MET: variants seen among roughly 807,000 people sequenced by gnomAD.
MET encodes the protein hepatocyte growth factor receptor.
Under a neutral mutation model 133.1 loss-of-function variants are expected in MET, and 48 were observed. The observed-to-expected ratio is 0.36, with a 90% CI of 0.29 to 0.46. MET has a LOEUF of 0.46. Among genes scored for constraint, MET ranks in the 20% least tolerant of loss-of-function variants. MET has a pLI of 1.00. For synonymous variants in MET, 628 were observed against 616.5 expected (o/e 1.02, Z -0.28); for missense variants, 1,442 against 1,695.9 (o/e 0.85, Z 2.63).
chr7:116,692,277 AAAGTGCTATCTACATAG>A (rs1196556720), intron 1 of MET, among the ~76,000 whole-genome samples: 1 of 152,204 alleles, frequency 6.6e-6, no homozygotes, highest in East Asian at 1.9e-4. Flanking sequence ...TATTTACTAT[AAAGTGCTATCTACATAG>A]TTATAAATTA....
intron 2 of MET, among the ~76,000 whole-genome samples, chr7:116,724,534 T>C (rs1001700956): frequency 1.3e-5 from 2 of 152,206 alleles, no homozygotes; most frequent in African/African-American, 4.8e-5. Context: ...AAATTTCCTA[T>C]AAAATCCAGA....
In MET at chr7:116,730,010, G is replaced by C. The variant is rs546362587; in HGVS notation, c.1201-1658G>C. ...AGTTTCACATTATCTTATAAATCAC[G>C]CAAGCAAATGTTATGTTGCAGCTTG... On this transcript the variant is annotated intron_variant, in intron 2 of 20. Coordinates refer to ENST00000397752, the MANE Select transcript of MET (RefSeq NM_000245.4). 2.6e-5 allele frequency among the ~76,000 whole-genome samples: 4 copies of C among 152,236 alleles called. No individual in the cohort carries two copies. In the East Asian group the frequency reaches 5.8e-4, roughly 22 times the overall value.
intron 2 of MET, among the ~76,000 whole-genome samples, chr7:116,712,930 A>G (rs1471206255): frequency 1.3e-5 from 2 of 152,082 alleles, no homozygotes; most frequent in African/African-American, 2.4e-5. Context: ...AACAGCACTC[A>G]CCCTTTGAGC....
At chr7:116,694,161 C>T (rs886123579) in intron 1 of MET, among the ~76,000 whole-genome samples, 9 of 152,266 alleles carry the variant, frequency 5.9e-5, no homozygotes, top group Admixed American at 3.3e-4. Context: ...GGACACAAAA[C>T]GTTTCCCAGA....
rs900210693 is a variant in MET, at chr7:116,797,545, T to C, written c.*1421T>C. On this transcript the variant is annotated 3_prime_UTR_variant, in exon 21 of 21. Transcript: ENST00000397752. ...TGTGATGCTTCATTCTGTGGAATTTTGTGCTTGCTACTGTATAGTGCATGT... is the reference window on the plus strand; with the variant it reads ...TGTGATGCTTCATTCTGTGGAATTTCGTGCTTGCTACTGTATAGTGCATGT... 4.4e-6 allele frequency: 1 copy of C among 229,382 alleles called. No individual in the cohort carries two copies. The highest frequency in any genetic ancestry group is 2.2e-5 in the African/African-American group (1 of 45,116). The allele number at this position is 229,382 out of a possible 1,614,324, so 14.2% of individuals were successfully genotyped here.
At chr7:116,765,356 G>C (rs567122904) in intron 11 of MET, among the ~76,000 whole-genome samples, 25 of 149,608 alleles carry the variant, frequency 1.7e-4, no homozygotes, top group African/African-American at 6.1e-4. Flanking sequence ...CATGTGTTTA[G>C]AATGAGATAT....
At chr7:116,755,635 T>C in intron 6 of MET, 120 bp downstream of exon 6, 1 of 1,215,924 alleles carries the variant, frequency 8.2e-7, no homozygotes, top group Non-Finnish European at 1.2e-6. Flanking sequence ...GGTCTTGGCC[T>C]GTCACATGCC....
chr7:116,784,445 C>T (rs996567812), intron 19 of MET, among the ~76,000 whole-genome samples: 1 of 152,194 alleles, frequency 6.6e-6, no homozygotes, highest in African/African-American at 2.4e-5. Context: ...GTTCTGCAGA[C>T]TCTACAGGAA....
At chr7:116,749,142 A>T (rs1053222304) in intron 5 of MET, among the ~76,000 whole-genome samples, 5 of 152,338 alleles carry the variant, frequency 3.3e-5, no homozygotes, top group African/African-American at 1.2e-4. Flanking sequence ...AACCAGACAG[A>T]GACACAACAC....
Position 116,699,960 on chromosome 7 carries a change from G to T in MET, c.876G>T (p.Met292Ile). The change falls in exon 2 of 21, where the codon ATG becomes ATT. Residue 292 changes from methionine to isoleucine, a missense_variant. This residue lies in a region of MET where 762 missense variants were observed against 792.4 expected (regional missense o/e 0.96). Coordinates refer to ENST00000397752, the MANE Select transcript of MET (RefSeq NM_000245.4). Reference sequence around the variant, plus strand: ...TAAACTCTGGATTGCATTCCTACATGGAAATGCCTCTGGAGTGTATTCTCA... The same window carrying T: ...TAAACTCTGGATTGCATTCCTACATTGAAATGCCTCTGGAGTGTATTCTCA... ...CSINSGLHSY[M>I]EMPLECILTE... 6.2e-7 allele frequency: 1 copy of T among 1,613,984 alleles called. No homozygotes were observed. The highest frequency in any genetic ancestry group is 8.5e-7 in the Non-Finnish European group (1 of 1,179,940).
At chr7:116,701,492 T>C (rs144737828) in intron 2 of MET, among the ~76,000 whole-genome samples, 4 of 152,260 alleles carry the variant, frequency 2.6e-5, no homozygotes, top group South Asian at 2.1e-4. Context: ...GAAACTATAG[T>C]TAACTTTTTA....
chr7:116,700,180 C>G lies in MET; in HGVS notation c.1096C>G (p.Pro366Ala), dbSNP rs2116605388. ...GGATCGATCTGCCATGTGTGCATTCCCTATCAAATATGTCAACGACTTCTT... is the reference window on the plus strand; with the variant it reads ...GGATCGATCTGCCATGTGTGCATTCGCTATCAAATATGTCAACGACTTCTT... ...PMDRSAMCAFPIKYVNDFFNK... is the reference protein window; with the variant it reads ...PMDRSAMCAFAIKYVNDFFNK... Residue 366 changes from proline to alanine, a missense_variant, in exon 2 of 21, where the codon CCT becomes GCT. Pro to Ala is a conservative substitution (Grantham distance 27). This residue lies in a region of MET where 762 missense variants were observed against 792.4 expected (regional missense o/e 0.96). Transcript: ENST00000397752. 6.3e-7 allele frequency: 1 copy of G among 1,593,514 alleles called. No homozygotes were observed. Among genetic ancestry groups the G allele is most frequent in the South Asian group, 1.2e-5 (1 of 86,382 alleles).
At chr7:116,754,690 G>A (rs1168527840) in intron 5 of MET, among the ~76,000 whole-genome samples, 5 of 151,242 alleles carry the variant, frequency 3.3e-5, no homozygotes, top group East Asian at 1.9e-4. Flanking sequence ...GGTGGCCCAC[G>A]CCTGTGATCC....
chr7:116,755,060 A>G (rs1459015617), intron 5 of MET, among the ~76,000 whole-genome samples: 3 of 152,102 alleles, frequency 2.0e-5, no homozygotes, highest in African/African-American at 7.2e-5. Flanking sequence ...AAAGAACGGA[A>G]GGACTCGAAA....
At chr7:116,689,232 A>G (rs1319330211) in intron 1 of MET, among the ~76,000 whole-genome samples, 1 of 152,196 alleles carries the variant, frequency 6.6e-6, no homozygotes, top group Non-Finnish European at 1.5e-5. Context: ...AACTTTTAAA[A>G]CATGTTTTAG....
intron 19 of MET, among the ~76,000 whole-genome samples, chr7:116,784,096 G>T (rs1014287842): frequency 1.3e-5 from 2 of 152,214 alleles, no homozygotes; most frequent in African/African-American, 4.8e-5. Flanking sequence ...TTGGAGTTGG[G>T]CAGCTGGGCA....
At chr7:116,762,031 A>G (rs1178736227) in intron 10 of MET, among the ~76,000 whole-genome samples, 1 of 152,128 alleles carries the variant, frequency 6.6e-6, no homozygotes, top group Non-Finnish European at 1.5e-5. Context: ...GCAACCGTTA[A>G]CCTTAGATGT....
At chr7:116,716,477 GAAAGAAAGAAAGA>G (rs1792225134) in intron 2 of MET, among the ~76,000 whole-genome samples, 1 of 99,804 alleles carries the variant, frequency 1.0e-5, no homozygotes, top group African/African-American at 4.4e-5. Flanking sequence ...GAGAAAGAAA[GAAAGAAAGAAAGA>G]AAGAAAGAAA....
At chr7:116,716,477 G>GAA (rs549471394) in intron 2 of MET, among the ~76,000 whole-genome samples, 1 of 99,804 alleles carries the variant, frequency 1.0e-5, no homozygotes, top group Non-Finnish European at 2.1e-5. Context: ...GAGAAAGAAA[G>GAA]AAAGAAAGAA....
Sources: allele counts gnomAD v4.1 joint callset (sites outside exome capture counted in the v4.1 genomes callset), GRCh38; gene constraint gnomAD v4.1.1; regional missense constraint gnomAD v4.1.1; transcripts MANE v1.5; gene names NCBI Gene and HGNC (gene_info 2026-07-23, HGNC 2026-07-21).